MACROD2: variants seen among roughly 807,000 people sequenced by gnomAD.
MACROD2 encodes the protein mono-ADP ribosylhydrolase 2.
A neutral mutation model predicts 70.4 loss-of-function variants in MACROD2; 36 were observed. The ratio of observed to expected loss-of-function variants is 0.51; its 90% CI spans 0.39 to 0.68. The LOEUF is 0.68. Ranked by LOEUF, MACROD2 falls within the 30% of genes least tolerant of loss-of-function variation. The pLI is 0.00. For missense variants in MACROD2, 496 were observed against 538.4 expected, an observed-to-expected ratio of 0.92 and a Z score of 0.78; for synonymous variants, 172 against 178.8, an observed-to-expected ratio of 0.96 and a Z score of 0.30.
chr20:15,561,501 C>T (rs1045003122), intron 8 of MACROD2, among the ~76,000 whole-genome samples: 3 of 152,144 alleles, frequency 2.0e-5, no homozygotes, highest in African/African-American at 7.2e-5. Flanking sequence ...CTTGGTACTA[C>T]TAGGCTAAAA....
At chr20:14,482,374 A>G (rs1488753778) in intron 3 of MACROD2, among the ~76,000 whole-genome samples, 5 of 152,074 alleles carry the variant, frequency 3.3e-5, no homozygotes, top group Non-Finnish European at 5.9e-5. Flanking sequence ...TAGTTTAAAA[A>G]AGAGAAATAC....
chr20:15,537,509 T>C (rs1462808595), intron 8 of MACROD2, among the ~76,000 whole-genome samples: 1 of 147,506 alleles, frequency 6.8e-6, no homozygotes, highest in Non-Finnish European at 1.5e-5. Context: ...AGTGTCACTC[T>C]GTTGCCCAGG....
At chr20:14,827,132 G>T (rs2072910784) in intron 5 of MACROD2, among the ~76,000 whole-genome samples, 1 of 152,030 alleles carries the variant, frequency 6.6e-6, no homozygotes, top group Admixed American at 6.6e-5. Context: ...TCCTTGGATG[G>T]CTGTGACATT....
At chr20:14,265,034 GCT>G (rs2082132706) in intron 3 of MACROD2, among the ~76,000 whole-genome samples, 5 of 152,218 alleles carry the variant, frequency 3.3e-5, no homozygotes, top group Admixed American at 2.0e-4. Flanking sequence ...AGTAGCCTTT[GCT>G]CAGTGCTGAT....
intron 3 of MACROD2, among the ~76,000 whole-genome samples, chr20:14,186,601 T>A (rs1000498809): frequency 8.5e-5 from 13 of 152,192 alleles, no homozygotes; most frequent in Non-Finnish European, 1.6e-4. Context: ...ACTGGGTATA[T>A]ACCCAAACGA....
chr20:16,038,550 T>C (rs1252288131), intron 15 of MACROD2, among the ~76,000 whole-genome samples: 1 of 151,420 alleles, frequency 6.6e-6, no homozygotes, highest in Non-Finnish European at 1.5e-5. Flanking sequence ...TTTTCGGTTC[T>C]AGAATTTTCA....
At chr20:14,834,843 AAT>A (rs2073010900) in intron 5 of MACROD2, among the ~76,000 whole-genome samples, 2 of 152,108 alleles carry the variant, frequency 1.3e-5, no homozygotes, top group East Asian at 1.9e-4. Flanking sequence ...TGTCTATGAG[AAT>A]ATGTGTGTAT....
At chr20:15,011,752 A>C (rs1237403362) in intron 5 of MACROD2, among the ~76,000 whole-genome samples, 1 of 152,154 alleles carries the variant, frequency 6.6e-6, no homozygotes, top group Non-Finnish European at 1.5e-5. Flanking sequence ...TAATGTGTTT[A>C]AGCTAATCAC....
intron 5 of MACROD2, among the ~76,000 whole-genome samples, chr20:14,977,832 T>C (rs1015786629): frequency 6.6e-6 from 1 of 152,164 alleles, no homozygotes; most frequent in Non-Finnish European, 1.5e-5. Flanking sequence ...GAGGAAATTA[T>C]TCTTCTTATG....
At chr20:15,921,214 C>A (rs1424543488) in intron 10 of MACROD2, among the ~76,000 whole-genome samples, 1 of 152,198 alleles carries the variant, frequency 6.6e-6, no homozygotes, top group East Asian at 1.9e-4. Flanking sequence ...TCCTTCCCCA[C>A]TCCATTCGTT....
intron 6 of MACROD2, among the ~76,000 whole-genome samples, chr20:15,287,577 A>C (rs2077503249): frequency 6.6e-6 from 1 of 152,230 alleles, no homozygotes; most frequent in African/African-American, 2.4e-5. Context: ...TTTATGATGG[A>C]CATAAATTCC....
Position 14,090,567 on chromosome 20 carries a change from C to T in MACROD2, c.271+4839C>T, listed in dbSNP as rs1173287865. On this transcript the variant is annotated intron_variant, in intron 3 of 17. Transcript: ENST00000684519. ...TAGCCTAGGCAACAGAGCAAGACTC[C>T]GTGTCAAAAAAAAAAAAAAGAACCC... Among the ~76,000 whole-genome samples the T allele has an allele frequency of 1.2e-4, 8 of 65,480 alleles. No homozygotes were observed. The East Asian group carries it at 2.3e-3, about 19-fold the overall frequency. The allele number at this position is 65,480 out of a possible 152,430, so 43.0% of individuals were successfully genotyped here.
intron 3 of MACROD2, among the ~76,000 whole-genome samples, chr20:14,266,119 T>C (rs536742117): frequency 3.3e-5 from 5 of 152,286 alleles, no homozygotes; most frequent in Non-Finnish European, 7.4e-5. Flanking sequence ...TTTTGGCTTG[T>C]AGTTTTCAGA....
intron 3 of MACROD2, among the ~76,000 whole-genome samples, chr20:14,215,379 C>CACACAA (rs1601357727): frequency 6.7e-6 from 1 of 149,778 alleles, no homozygotes; most frequent in East Asian, 2.0e-4. Flanking sequence ...CACACACACA[C>CACACAA]ACCACAGTTT....
intron 4 of MACROD2, among the ~76,000 whole-genome samples, chr20:14,610,558 TA>T (rs1412446550): frequency 6.6e-6 from 1 of 152,128 alleles, no homozygotes; most frequent in Non-Finnish European, 1.5e-5. Context: ...ATGGTGAAAA[TA>T]AAATGTGTTT....
chr20:15,233,058 A>G (rs916166799), intron 6 of MACROD2, among the ~76,000 whole-genome samples: 2 of 152,018 alleles, frequency 1.3e-5, no homozygotes, highest in Admixed American at 1.3e-4. Context: ...CTAGACAAAT[A>G]AATGGACAAG....
intron 3 of MACROD2, among the ~76,000 whole-genome samples, chr20:14,440,850 G>T (rs1294656924): frequency 6.6e-6 from 1 of 152,098 alleles, no homozygotes; most frequent in East Asian, 1.9e-4. Flanking sequence ...GGAGAAGATT[G>T]CCTCTATTCC....
intron 6 of MACROD2, among the ~76,000 whole-genome samples, chr20:15,301,591 CTTTT>C (rs71340214): frequency 2.5e-5 from 2 of 81,250 alleles, no homozygotes; most frequent in South Asian, 5.0e-4. Flanking sequence ...GGTAGGTGGC[CTTTT>C]TTTTTTTTTT....
At chr20:15,164,075 T>C (rs1208993945) in intron 5 of MACROD2, among the ~76,000 whole-genome samples, 1 of 152,048 alleles carries the variant, frequency 6.6e-6, no homozygotes, top group African/African-American at 2.4e-5. Flanking sequence ...AAAATAACAA[T>C]TGTTATTTCG....
Sources: gnomAD v4.1 joint callset for allele counts (sites outside exome capture counted in the v4.1 genomes callset) on GRCh38, gnomAD v4.1.1 for gene constraint, MANE v1.5 for transcripts, NCBI Gene and HGNC (gene_info 2026-07-23, HGNC 2026-07-21) for gene names.